Variants in TNIK observed in about 807,000 individuals in gnomAD.
TNIK encodes TRAF2 and NCK interacting kinase, also known as TRAF2 and NCK-interacting protein kinase.
TNIK carries 49 observed loss-of-function variants against 191.3 expected under a neutral mutation model. The ratio of observed to expected loss-of-function variants is 0.26; its 90% CI spans 0.20 to 0.32. The LOEUF (loss-of-function observed/expected upper bound fraction) is 0.32. Ranked by LOEUF, TNIK falls within the 10% of genes least tolerant of loss-of-function variation. TNIK has a pLI of 1.00. For missense variants in TNIK, 1,155 were observed against 1,702.3 expected, an observed-to-expected ratio of 0.68 and a Z score of 5.66; for synonymous variants, 594 against 600.9, an observed-to-expected ratio of 0.99 and a Z score of 0.17.
intron 2 of TNIK, among the ~76,000 whole-genome samples, chr3:171,320,817 A>C (rs751507493): frequency 6.6e-6 from 1 of 152,248 alleles, no homozygotes; most frequent in Non-Finnish European, 1.5e-5. Context: ...AGCAAAGAGC[A>C]CTGTAAAGAG....
intron 2 of TNIK, among the ~76,000 whole-genome samples, chr3:171,299,967 A>G (rs1752710876): frequency 6.6e-6 from 1 of 152,246 alleles, no homozygotes; most frequent in East Asian, 1.9e-4. Context: ...TTCAAATTAA[A>G]TAACCAACAG....
intron 2 of TNIK, among the ~76,000 whole-genome samples, chr3:171,308,810 C>CA (rs1328934847): frequency 6.6e-6 from 1 of 152,150 alleles, no homozygotes; most frequent in Non-Finnish European, 1.5e-5. Flanking sequence ...TGCTCAACAT[C>CA]ACTAATCATT....
intron 2 of TNIK, among the ~76,000 whole-genome samples, chr3:171,236,114 A>G (rs1744232371): frequency 6.6e-6 from 1 of 151,444 alleles, no homozygotes; most frequent in Non-Finnish European, 1.5e-5. Flanking sequence ...ATCCTCTAAC[A>G]TTGCCTGGGA....
At chr3:171,209,748 A>G (rs953082825) in intron 4 of TNIK, among the ~76,000 whole-genome samples, 2 of 152,210 alleles carry the variant, frequency 1.3e-5, no homozygotes, top group East Asian at 3.8e-4. Flanking sequence ...ATGGAAAAAA[A>G]AAATCCCAAT....
rs201327210 is a variant in TNIK at position 171,304,407 on chromosome 3, T to C, written c.123+65213A>G. The stretch of plus-strand genomic sequence containing the variant: ...AGAAATAGGAACACTTTTACACTGT[T>C]GGTGGGACTGTAAACTAGTTCAACC... On this transcript the variant is annotated intron_variant, in intron 2 of 32. Transcript: ENST00000436636. 1.4e-4 allele frequency among the ~76,000 whole-genome samples: 21 copies of C among 152,322 alleles called. No individual in the cohort carries two copies. In the East Asian group the frequency reaches 4.1e-3, roughly 29 times the overall value.
chr3:171,197,473 C>A (rs1738849965), intron 4 of TNIK, among the ~76,000 whole-genome samples: 1 of 151,522 alleles, frequency 6.6e-6, no homozygotes, highest in African/African-American at 2.4e-5. Flanking sequence ...AGACAGCCCA[C>A]AGAATGGGAA....
At chr3:171,214,776 C>T (rs1006113528) in intron 3 of TNIK, among the ~76,000 whole-genome samples, 2 of 152,130 alleles carry the variant, frequency 1.3e-5, no homozygotes, top group Non-Finnish European at 2.9e-5. Context: ...TTTAAACTCT[C>T]CAAATGTCAG....
chr3:171,212,214 GTC>G (rs766342853), intron 3 of TNIK, among the ~76,000 whole-genome samples: 23 of 152,026 alleles, frequency 1.5e-4, no homozygotes, highest in Non-Finnish European at 3.2e-4. Flanking sequence ...TCCTTCCAGT[GTC>G]TCTGCATTAC....
At position 171,347,859 on chromosome 3, in the gene TNIK, T is replaced by C. The variant is rs536072654; in HGVS notation, c.123+21761A>G. On this transcript the variant is annotated intron_variant, in intron 2 of 32. Coordinates refer to ENST00000436636, the MANE Select transcript of TNIK (RefSeq NM_015028.4). ...TAAAAGCAGCAGTTTTAGTCACTCA[T>C]CAAGAGTGACTGTTCTTCCTCTTTG... Among the ~76,000 whole-genome samples the C allele has an allele frequency of 4.1e-4, 62 of 152,282 alleles. 1 individual carries two copies. Among genetic ancestry groups the C allele is most frequent in the African/African-American group, 1.4e-3 (58 of 41,558 alleles).
At chr3:171,078,098 G>GT (rs972307210) in intron 28 of TNIK, among the ~76,000 whole-genome samples, 12 of 152,210 alleles carry the variant, frequency 7.9e-5, no homozygotes, top group African/African-American at 2.4e-4. Context: ...AGCTTTGCCA[G>GT]TTTTGAAGGC....
chr3:171,351,520 T>G (rs543066336), intron 2 of TNIK, among the ~76,000 whole-genome samples: 1 of 152,198 alleles, frequency 6.6e-6, no homozygotes, highest in South Asian at 2.1e-4. Flanking sequence ...AAGAATTCAT[T>G]TATTCTCATG....
intron 2 of TNIK, among the ~76,000 whole-genome samples, chr3:171,282,076 G>C (rs1750495362): frequency 6.6e-6 from 1 of 152,164 alleles, no homozygotes; most frequent in Admixed American, 6.5e-5. Flanking sequence ...TTAATCTAGA[G>C]AATGAATTTT....
At chr3:171,110,261 T>C (rs1331750683) in intron 19 of TNIK, among the ~76,000 whole-genome samples, 2 of 152,214 alleles carry the variant, frequency 1.3e-5, no homozygotes, top group African/African-American at 2.4e-5. Flanking sequence ...GTATTCTACA[T>C]TAGTCTTTAC....
intron 21 of TNIK, chr3:171,106,591 T>C: frequency 2.1e-6 from 1 of 487,190 alleles, no homozygotes; most frequent in Non-Finnish European, 4.3e-6. Context: ...AAGGCAGTCA[T>C]CCTTCTTAGC....
chr3:171,058,430 T>G lies in TNIK; in HGVS notation c.*5451A>C, dbSNP rs573259401. 6.6e-6 allele frequency among the ~76,000 whole-genome samples: 1 copy of G among 152,184 alleles called. No homozygotes were observed. Among genetic ancestry groups the G allele is most frequent in the Non-Finnish European group, 1.5e-5 (1 of 68,028 alleles). ...GAGGCATCCTACGATTAATGTTTTA[T>G]TATTCATATTTTGACAAAGATAGCA... On this transcript the variant is annotated 3_prime_UTR_variant, in exon 33 of 33. Transcript: ENST00000436636.
At chr3:171,304,561 G>C (rs140047275) in intron 2 of TNIK, among the ~76,000 whole-genome samples, 2 of 152,128 alleles carry the variant, frequency 1.3e-5, no homozygotes, top group East Asian at 3.9e-4. Flanking sequence ...ACATGCATAC[G>C]TATGTTTATT....
chr3:171,329,679 ACAAT>A (rs758350723), intron 2 of TNIK, among the ~76,000 whole-genome samples: 5 of 152,358 alleles, frequency 3.3e-5, no homozygotes, highest in Admixed American at 3.3e-4. Context: ...TCATTAGCTA[ACAAT>A]CAACCACTGT....
Position 171,153,531 on chromosome 3 carries a change from C to CA in TNIK, c.1221+3928dup, listed in dbSNP as rs577476621. On this transcript the variant is annotated intron_variant, in intron 12 of 32. Coordinates refer to ENST00000436636, the MANE Select transcript of TNIK (RefSeq NM_015028.4). ...AAATGTGTCCACTTTTCTCAATCCC[C>CA]ACTCCACCATCATCTGTCCAAAGCA... Among the ~76,000 whole-genome samples the CA allele has an allele frequency of 3.2e-3, 482 of 152,244 alleles. 2 individuals carry two copies. The highest frequency in any genetic ancestry group is 0.011 in the African/African-American group (459 of 41,512).
intron 1 of TNIK, among the ~76,000 whole-genome samples, chr3:171,454,280 G>A (rs1728536813): frequency 6.6e-6 from 1 of 152,202 alleles, no homozygotes; most frequent in African/African-American, 2.4e-5. Context: ...CTGAGAGAAG[G>A]AATGGCGTCG....
Sources: gnomAD v4.1 joint callset for allele counts (sites outside exome capture counted in the v4.1 genomes callset) on GRCh38, gnomAD v4.1.1 for gene constraint, MANE v1.5 for transcripts, NCBI Gene and HGNC (gene_info 2026-07-23, HGNC 2026-07-21) for gene names.